SFMBT1: variants seen among roughly 807,000 people sequenced by gnomAD.
SFMBT1 encodes the protein Scm like with four mbt domains 1, also known as scm-like with four MBT domains protein 1.
A neutral mutation model predicts 108.7 loss-of-function variants in SFMBT1; 32 were observed. That is an observed-to-expected ratio of 0.29 (90% CI 0.22 to 0.40). SFMBT1 has a LOEUF of 0.40. Among genes scored for constraint, SFMBT1 ranks in the 10% least tolerant of loss-of-function variants. The pLI, the probability that SFMBT1 is intolerant of heterozygous loss-of-function variation, is 1.00. For missense variants in SFMBT1, 816 were observed against 1,059.6 expected, an observed-to-expected ratio of 0.77 and a Z score of 3.19; for synonymous variants, 348 against 369.5, an observed-to-expected ratio of 0.94 and a Z score of 0.67.
chr3:52,983,622 C>G (rs1286510306), intron 1 of SFMBT1, among the ~76,000 whole-genome samples: 2 of 152,178 alleles, frequency 1.3e-5, no homozygotes, highest in Non-Finnish European at 2.9e-5. Flanking sequence ...TAACACAAAA[C>G]AACACCAGAG....
intron 1 of SFMBT1, among the ~76,000 whole-genome samples, chr3:53,010,616 C>T (rs1254376865): frequency 6.6e-6 from 1 of 152,184 alleles, no homozygotes; most frequent in Non-Finnish European, 1.5e-5. Flanking sequence ...ATGACATTCA[C>T]TTAATTTGTA....
At chr3:52,934,651 T>A (rs1320999057) in intron 5 of SFMBT1, among the ~76,000 whole-genome samples, 162 bp downstream of exon 5, 2 of 152,208 alleles carry the variant, frequency 1.3e-5, no homozygotes, top group Non-Finnish European at 2.9e-5. Context: ...AAGCCACCAG[T>A]TTGCAACCTC....
At chr3:52,975,426 C>A (rs1575413510) in intron 1 of SFMBT1, among the ~76,000 whole-genome samples, 1 of 152,224 alleles carries the variant, frequency 6.6e-6, no homozygotes, top group East Asian at 1.9e-4. Context: ...TAGTGGCTCA[C>A]ACCTGTAATC....
At chr3:52,939,047 A>G (rs1010500925) in intron 4 of SFMBT1, among the ~76,000 whole-genome samples, 1 of 152,184 alleles carries the variant, frequency 6.6e-6, no homozygotes, top group Non-Finnish European at 1.5e-5. Flanking sequence ...ATTACATTCC[A>G]TTGTCTTTTG....
chr3:52,968,680 A>C (rs561019653), intron 2 of SFMBT1, among the ~76,000 whole-genome samples: 2 of 150,880 alleles, frequency 1.3e-5, no homozygotes, highest in African/African-American at 2.4e-5. Flanking sequence ...GCTCACTGCA[A>C]GCTCTGCCTC....
At chr3:52,955,918 G>A (rs1319388454) in intron 2 of SFMBT1, among the ~76,000 whole-genome samples, 1 of 152,014 alleles carries the variant, frequency 6.6e-6, no homozygotes, top group Non-Finnish European at 1.5e-5. Context: ...AAAACTTCAG[G>A]CCAATATTCC....
intron 1 of SFMBT1, among the ~76,000 whole-genome samples, chr3:53,000,001 G>C (rs1188318826): frequency 6.7e-6 from 1 of 150,084 alleles, no homozygotes; most frequent in African/African-American, 2.4e-5. Context: ...TGGGACTACA[G>C]GCATGTGCCA....
At chr3:52,937,560 T>C (rs971272888) in intron 4 of SFMBT1, among the ~76,000 whole-genome samples, 5 of 152,120 alleles carry the variant, frequency 3.3e-5, no homozygotes, top group South Asian at 2.1e-4. Flanking sequence ...TCTTTCCCCA[T>C]AGGTAACTTT....
rs1448849638 is a variant in SFMBT1, at chr3:53,001,925, T to TCTCTCTCTCACA, written c.-130-32668_-130-32667insTGTGAGAGAGAG. ...GGGCAACAGAGCAAGACCCAGTCTC[T>TCTCTCTCTCACA]CACACACACACACACACACACACAC... On this transcript the variant is annotated intron_variant, in intron 1 of 20. Coordinates refer to ENST00000394752, the MANE Select transcript of SFMBT1 (RefSeq NM_016329.4). Among the ~76,000 whole-genome samples the TCTCTCTCTCACA allele has an allele frequency of 2.3e-5, 3 of 129,132 alleles. No individual in the cohort carries two copies. The Admixed American group carries it at 2.5e-4, about 11-fold the overall frequency. The allele number at this position is 129,132 out of a possible 152,430, so 84.7% of individuals were successfully genotyped here.
intron 2 of SFMBT1, among the ~76,000 whole-genome samples, chr3:52,965,580 G>A (rs1374210702): frequency 6.6e-6 from 1 of 152,104 alleles, no homozygotes; most frequent in South Asian, 2.1e-4. Context: ...TTTTCTGAGA[G>A]CTGAAAGAAA....
intron 1 of SFMBT1, among the ~76,000 whole-genome samples, chr3:52,972,654 TC>T (rs1704382644): frequency 6.6e-6 from 1 of 151,772 alleles, no homozygotes; most frequent in Non-Finnish European, 1.5e-5. Context: ...ACGCCTGTAA[TC>T]CCAGCACTTT....
At chr3:52,946,681 G>C (rs1390933620) in intron 3 of SFMBT1, among the ~76,000 whole-genome samples, 1 of 151,998 alleles carries the variant, frequency 6.6e-6, no homozygotes, top group Admixed American at 6.6e-5. Context: ...ATACATACAT[G>C]AATTTCTAAA....
At chr3:52,975,655 G>A (rs1355724040) in intron 1 of SFMBT1, among the ~76,000 whole-genome samples, 1 of 152,188 alleles carries the variant, frequency 6.6e-6, no homozygotes, top group African/African-American at 2.4e-5. Context: ...AGGCTGGAAT[G>A]TAGTGGCGCA....
At chr3:52,951,755 C>G (rs976091553) in intron 3 of SFMBT1, among the ~76,000 whole-genome samples, 1 of 152,170 alleles carries the variant, frequency 6.6e-6, no homozygotes, top group Non-Finnish European at 1.5e-5. Flanking sequence ...CTAAAGAATG[C>G]CTTTAAGCGG....
At chr3:53,022,625 G>A (rs1699355021) in intron 1 of SFMBT1, among the ~76,000 whole-genome samples, 1 of 152,126 alleles carries the variant, frequency 6.6e-6, no homozygotes, top group South Asian at 2.1e-4. Flanking sequence ...GATGAACCTG[G>A]ATGATACTAT....
At chr3:52,920,451 G>T in intron 12 of SFMBT1, 86 bp downstream of exon 12, 1 of 923,732 alleles carries the variant, frequency 1.1e-6, no homozygotes, top group Non-Finnish European at 1.7e-6. Flanking sequence ...TTTTTTCTCT[G>T]AAATGTCCAG....
intron 1 of SFMBT1, among the ~76,000 whole-genome samples, chr3:52,983,716 G>C (rs538349882): frequency 5.3e-5 from 8 of 152,292 alleles, no homozygotes; most frequent in African/African-American, 1.9e-4. Context: ...TCTGAAGTGG[G>C]AGCTTGTGTG....
At chr3:52,978,966 A>G (rs1435386485) in intron 1 of SFMBT1, among the ~76,000 whole-genome samples, 2 of 152,186 alleles carry the variant, frequency 1.3e-5, no homozygotes, top group Non-Finnish European at 2.9e-5. Context: ...AAGGTAATGG[A>G]TAACGACTAC....
intron 1 of SFMBT1, among the ~76,000 whole-genome samples, chr3:52,981,545 T>TC: frequency 6.7e-6 from 1 of 150,346 alleles, no homozygotes; most frequent in East Asian, 1.9e-4. Context: ...TTTTTTTTTT[T>TC]TTTTTTACTT....
Sources: allele counts gnomAD v4.1 joint callset (sites outside exome capture counted in the v4.1 genomes callset), GRCh38; gene constraint gnomAD v4.1.1; transcripts MANE v1.5; gene names NCBI Gene and HGNC (gene_info 2026-07-23, HGNC 2026-07-21).